ARID2: variants seen among roughly 807,000 people sequenced by gnomAD.
The protein encoded by ARID2 is AT-rich interactive domain-containing protein 2.
In ARID2, 32 loss-of-function variants were observed where a neutral mutation model predicts 184.6. The ratio of observed to expected loss-of-function variants is 0.17; its 90% CI spans 0.13 to 0.23. The LOEUF is 0.23. Ranked by LOEUF, ARID2 falls within the 10% of genes least tolerant of loss-of-function variation. The probability of loss-of-function intolerance (pLI) is 1.00; values close to 1 mark genes in which losing one functional copy is unlikely to be tolerated. For missense variants in ARID2, 1,696 were observed against 2,197.6 expected, an observed-to-expected ratio of 0.77 and a Z score of 4.56; for synonymous variants, 836 against 772.6, an observed-to-expected ratio of 1.08 and a Z score of -1.36.
chr12:45,774,756 A>G (rs995086849), intron 3 of ARID2, among the ~76,000 whole-genome samples: 1 of 152,196 alleles, frequency 6.6e-6, no homozygotes, highest in Non-Finnish European at 1.5e-5. Context: ...ATACAAAATG[A>G]TAATAATAGT....
At chr12:45,766,172 C>CTTT (rs527306642) in intron 3 of ARID2, among the ~76,000 whole-genome samples, 2 of 145,870 alleles carry the variant, frequency 1.4e-5, no homozygotes, top group Admixed American at 6.9e-5. Context: ...ATATATTTAA[C>CTTT]TTTTTTTTTT....
chr12:45,826,246 AAC>A (rs1942998346), intron 6 of ARID2, among the ~76,000 whole-genome samples: 1 of 152,102 alleles, frequency 6.6e-6, no homozygotes, highest in Non-Finnish European at 1.5e-5. Flanking sequence ...TTTTTTACAA[AAC>A]AGTTCCACTG....
At chr12:45,837,979 G>A (rs939854653) in intron 10 of ARID2, among the ~76,000 whole-genome samples, 2 of 152,068 alleles carry the variant, frequency 1.3e-5, no homozygotes, top group African/African-American at 2.4e-5. Context: ...TGGAAGAAGC[G>A]TAGCTCAATG....
chr12:45,732,351 T>TG (rs1468515113), intron 3 of ARID2, among the ~76,000 whole-genome samples: 1 of 152,208 alleles, frequency 6.6e-6, no homozygotes, highest in Non-Finnish European at 1.5e-5. Flanking sequence ...AAATAGGAAA[T>TG]GCAGTAATCG....
At chr12:45,813,870 C>T (rs1457628186) in intron 4 of ARID2, among the ~76,000 whole-genome samples, 1 of 152,064 alleles carries the variant, frequency 6.6e-6, no homozygotes, top group Non-Finnish European at 1.5e-5. Flanking sequence ...TTTTATCATT[C>T]ATTTGCATAG....
At chr12:45,819,654 CAAG>C (rs1252358554) in intron 5 of ARID2, among the ~76,000 whole-genome samples, 3 of 151,816 alleles carry the variant, frequency 2.0e-5, no homozygotes, top group Non-Finnish European at 4.4e-5. Flanking sequence ...TTCTATGTGA[CAAG>C]AAATTTCATT....
intron 3 of ARID2, among the ~76,000 whole-genome samples, chr12:45,761,297 C>A (rs1941674331): frequency 6.6e-6 from 1 of 152,140 alleles, no homozygotes; most frequent in Admixed American, 6.5e-5. Context: ...TTTAAGATAA[C>A]AATACATCTT....
At chr12:45,732,274 A>G (rs1286340715) in intron 3 of ARID2, among the ~76,000 whole-genome samples, 2 of 152,136 alleles carry the variant, frequency 1.3e-5, no homozygotes, top group Non-Finnish European at 2.9e-5. Flanking sequence ...CTTCTGCATA[A>G]TTTGAGTTTT....
chr12:45,847,045 T>C, intron 12 of ARID2, 108 bp downstream of exon 12: 1 of 899,938 alleles, frequency 1.1e-6, no homozygotes, highest in Non-Finnish European at 1.7e-6. Flanking sequence ...GTATTCCTTT[T>C]TAGTTAGAGT....
rs568612833 is a variant in ARID2 at position 45,757,707 on chromosome 12, C to G, written c.284+26393C>G. 7.9e-5 allele frequency among the ~76,000 whole-genome samples: 12 copies of G among 152,172 alleles called. No homozygotes were observed. In the South Asian group the frequency reaches 2.5e-3, roughly 32 times the overall value. On this transcript the variant is annotated intron_variant, in intron 3 of 20. Coordinates refer to ENST00000334344, the MANE Select transcript of ARID2 (RefSeq NM_152641.4). ...CTTGAGAGGAGTCGTTTAAAAAAGT[C>G]TGAAGATTATGAACCCTGATTAGTG...
chr12:45,850,997 G>A lies in ARID2; in HGVS notation c.2874G>A (p.Gln958=), dbSNP rs2138166881. Residue 958 remains glutamine (Q), a synonymous_variant, in exon 15 of 21, where the codon CAG becomes CAA. Transcript: ENST00000334344. ...LANPAALPAG[Q]TVQLTGQPNI... is the part of the protein sequence containing the mutation. ...ATCCAGCAGCTCTTCCAGCTGGTCA[G>A]ACAGTTCAGCTAACTGGACAACCTA... 6.2e-7 allele frequency: 1 copy of A among 1,614,138 alleles called. No individual in the cohort carries two copies. Among genetic ancestry groups the A allele is most frequent in the Non-Finnish European group, 8.5e-7 (1 of 1,180,014 alleles).
intron 3 of ARID2, among the ~76,000 whole-genome samples, chr12:45,748,581 G>C (rs1941401442): frequency 6.6e-6 from 1 of 152,092 alleles, no homozygotes; most frequent in Admixed American, 6.6e-5. Context: ...AATGAAGTTT[G>C]CTGCATCGAT....
At chr12:45,900,979 C>T (rs1008888268) in intron 20 of ARID2, among the ~76,000 whole-genome samples, 2 of 151,238 alleles carry the variant, frequency 1.3e-5, no homozygotes, top group Admixed American at 6.6e-5. Flanking sequence ...GATGTGTCTT[C>T]GGTGGGTGTT....
chr12:45,843,137 G>C lies in ARID2; in HGVS notation c.1498+3641G>C, dbSNP rs80178914. Among the ~76,000 whole-genome samples the C allele has an allele frequency of 7.9e-3, 1,198 of 151,724 alleles. 12 individuals are homozygous for C. The highest frequency in any genetic ancestry group is 0.027 in the African/African-American group (1,137 of 41,372). ...GAATATTTGTGGCTCAGTCATTAGAGGCCTTTTTTTTTTAAGTTTCTGGAA... is the reference window on the plus strand; with the variant it reads ...GAATATTTGTGGCTCAGTCATTAGACGCCTTTTTTTTTTAAGTTTCTGGAA... On this transcript the variant is annotated intron_variant, in intron 11 of 20. Coordinates refer to ENST00000334344, the MANE Select transcript of ARID2 (RefSeq NM_152641.4).
chr12:45,819,262 C>G (rs1942855822), intron 5 of ARID2, among the ~76,000 whole-genome samples: 2 of 152,026 alleles, frequency 1.3e-5, no homozygotes, highest in Non-Finnish European at 2.9e-5. Context: ...CTTGTTTAGA[C>G]CTAATTTATC....
chr12:45,821,577 TA>T, intron 6 of ARID2, 90 bp downstream of exon 6: 1 of 650,110 alleles, frequency 1.5e-6, no homozygotes, highest in Non-Finnish European at 2.4e-6. Flanking sequence ...ATATACATAA[TA>T]CTACCTATAC....
intron 3 of ARID2, among the ~76,000 whole-genome samples, chr12:45,771,854 A>G (rs1159491068): frequency 6.6e-6 from 1 of 152,172 alleles, no homozygotes; most frequent in Admixed American, 6.5e-5. Flanking sequence ...CAGAAACAGT[A>G]AAAAAGAGCA....
chr12:45,900,947 T>C (rs1278650934), intron 20 of ARID2, among the ~76,000 whole-genome samples: 1 of 152,040 alleles, frequency 6.6e-6, no homozygotes, highest in African/African-American at 2.4e-5. Context: ...TATTTCTGAA[T>C]ATTCTGAGGT....
At chr12:45,737,902 T>C (rs559951717) in intron 3 of ARID2, among the ~76,000 whole-genome samples, 112 of 152,232 alleles carry the variant, frequency 7.4e-4, no homozygotes, top group African/African-American at 2.5e-3. Flanking sequence ...ATACTTTGTC[T>C]CTGGACTCTA....
Sources: allele counts gnomAD v4.1 joint callset (sites outside exome capture counted in the v4.1 genomes callset), GRCh38; gene constraint gnomAD v4.1.1; transcripts MANE v1.5; gene names NCBI Gene and HGNC (gene_info 2026-07-23, HGNC 2026-07-21).